Variants in FBXL2 observed in about 807,000 individuals in gnomAD.
FBXL2 encodes the protein F-box/LRR-repeat protein 2.
In FBXL2, 38 loss-of-function variants were observed where a neutral mutation model predicts 69.2. The observed-to-expected ratio is 0.55, with a 90% CI of 0.42 to 0.72. The LOEUF is 0.72. Ranked by LOEUF, FBXL2 falls within the 30% of genes least tolerant of loss-of-function variation. The pLI, the probability that FBXL2 is intolerant of heterozygous loss-of-function variation, is 0.00. For missense variants in FBXL2, 354 were observed against 520.3 expected (o/e 0.68, Z 3.11); for synonymous variants, 192 against 201.3 (o/e 0.95, Z 0.39).
chr3:33,368,622 T>A (rs898237394), intron 5 of FBXL2, among the ~76,000 whole-genome samples: 8 of 152,122 alleles, frequency 5.3e-5, no homozygotes, highest in Non-Finnish European at 2.9e-5. Context: ...TTAGATGGAG[T>A]CTTGCTCTGT....
intron 2 of FBXL2, chr3:33,297,949 C>A (rs1032244757): frequency 1.0e-5 from 6 of 575,068 alleles, no homozygotes; most frequent in Admixed American, 2.6e-5. Flanking sequence ...GGTCTGGATT[C>A]TTTTTGTAAT....
intron 2 of FBXL2, chr3:33,317,433 T>C (rs1575171726): frequency 2.2e-6 from 1 of 456,304 alleles, no homozygotes; most frequent in Admixed American, 2.4e-5. Context: ...TACTTAATGG[T>C]TTTGTTACTC....
downstream of FBXL2, among the ~76,000 whole-genome samples, chr3:33,406,465 A>C (rs2044430876): frequency 6.6e-6 from 1 of 152,196 alleles, no homozygotes; most frequent in Non-Finnish European, 1.5e-5. Context: ...AGCATAACAT[A>C]CATGTATAAA....
At chr3:33,280,363 C>CT (rs2033837921) in intron 1 of FBXL2, among the ~76,000 whole-genome samples, 1 of 152,150 alleles carries the variant, frequency 6.6e-6, no homozygotes, top group African/African-American at 2.4e-5. Flanking sequence ...AATGTATTCT[C>CT]TGAGATTTTC....
chr3:33,392,430 C>T, downstream of FBXL2: 1 of 744,242 alleles, frequency 1.3e-6, no homozygotes, highest in Non-Finnish European at 2.1e-6. Flanking sequence ...TAGAAATATT[C>T]TCATTTATCA....
chr3:33,337,531 T>C (rs952660355), intron 2 of FBXL2, among the ~76,000 whole-genome samples: 6 of 152,206 alleles, frequency 3.9e-5, no homozygotes, highest in African/African-American at 1.4e-4. Context: ...CTCTTGTAAA[T>C]TATTCATGGA....
chr3:33,395,681 ATTACATGCAGGCAC>A (rs2043951058), intron 12 of FBXL2, among the ~76,000 whole-genome samples: 7 of 140,430 alleles, frequency 5.0e-5, no homozygotes, highest in African/African-American at 1.9e-4. Context: ...ACTTAGGACT[ATTACATGCAGGCAC>A]TGTTGCACAT....
chr3:33,376,154 C>T (rs2042623159), intron 10 of FBXL2, among the ~76,000 whole-genome samples: 1 of 133,618 alleles, frequency 7.5e-6, no homozygotes. Flanking sequence ...GAGACCCCAT[C>T]TCAAAAAAAA....
chr3:33,331,148 T>C (rs2039130908), intron 2 of FBXL2, among the ~76,000 whole-genome samples: 1 of 151,986 alleles, frequency 6.6e-6, no homozygotes, highest in Non-Finnish European at 1.5e-5. Flanking sequence ...GACCAGACTA[T>C]GTACCATACT....
At chr3:33,399,505 A>C (rs2044140420) in intron 12 of FBXL2, among the ~76,000 whole-genome samples, 1 of 152,202 alleles carries the variant, frequency 6.6e-6, no homozygotes, top group African/African-American at 2.4e-5. Flanking sequence ...ACTGATAAAC[A>C]CAACAACTTA....
chr3:33,303,199 A>G (rs1188251782), intron 2 of FBXL2: 1 of 456,282 alleles, frequency 2.2e-6, no homozygotes, highest in Non-Finnish European at 4.4e-6. Context: ...TCAATTTCAA[A>G]TTTAAGCATC....
rs1575350513 is a variant in FBXL2 at position 33,364,620 on chromosome 3, TA to T, written c.196-2del. 8.1e-6 allele frequency: 13 copies of T among 1,613,642 alleles called. No individual in the cohort carries two copies. The highest frequency in any genetic ancestry group is 1.1e-5 in the Non-Finnish European group (13 of 1,179,710). On this transcript the variant is annotated splice_polypyrimidine_tract_variant and splice_region_variant and intron_variant, in intron 4 of 14. Coordinates refer to ENST00000484457, the MANE Select transcript of FBXL2 (RefSeq NM_012157.5). Reference sequence around the variant, plus strand: ...TTTTTTCCTCCCGAACTTTCTTGATTAAAGGGTCGAGTGGTGGAAAATATCT... The same window carrying T: ...TTTTTTCCTCCCGAACTTTCTTGATTAAGGGTCGAGTGGTGGAAAATATCT...
intron 2 of FBXL2, among the ~76,000 whole-genome samples, chr3:33,325,837 A>G (rs909833544): frequency 6.6e-6 from 1 of 152,196 alleles, no homozygotes; most frequent in African/African-American, 2.4e-5. Flanking sequence ...AATAGAATAA[A>G]TGGAACCCAG....
chr3:33,277,483 G>A lies in FBXL2; in HGVS notation c.-30G>A. On this transcript the variant is annotated 5_prime_UTR_variant, in exon 1 of 15. Coordinates refer to ENST00000484457, the MANE Select transcript of FBXL2 (RefSeq NM_012157.5). Reference sequence around the variant, plus strand: ...GCGTCGCCGGCGCCGTGTGACTTCGGGCTGTGGGCTCGCTCGCGGCTCTTC... The same window carrying A: ...GCGTCGCCGGCGCCGTGTGACTTCGAGCTGTGGGCTCGCTCGCGGCTCTTC... The A allele has an allele frequency of 3.1e-6, 4 of 1,293,612 alleles. No homozygotes were observed. The highest frequency in any genetic ancestry group is 4.0e-6 in the Non-Finnish European group (4 of 1,012,516). The allele number at this position is 1,293,612 out of a possible 1,614,324, so 80.1% of individuals were successfully genotyped here. A position where few individuals can be genotyped will look rare whatever the true frequency, so the allele number is the denominator to read the frequency against.
chr3:33,352,226 G>A (rs1333470262), intron 2 of FBXL2, among the ~76,000 whole-genome samples: 1 of 152,146 alleles, frequency 6.6e-6, no homozygotes, highest in African/African-American at 2.4e-5. Flanking sequence ...AATGGAGAAA[G>A]TATACATTTT....
the FBXL2 span, among the ~76,000 whole-genome samples, chr3:33,418,528 G>T: frequency 6.6e-6 from 1 of 151,798 alleles, no homozygotes; most frequent in Admixed American, 6.5e-5. Flanking sequence ...CAAAATGCTG[G>T]GATTACAGGC....
At position 33,383,736 on chromosome 3, in the gene FBXL2, G is replaced by A. The variant is rs190037082; in HGVS notation, c.952-253G>A. Reference sequence around the variant, plus strand: ...TAACCAAAGGGCCCCAAGGCTTTGTGTTTGGTCCTCACTGCCTGATTAAAT... The same window carrying A: ...TAACCAAAGGGCCCCAAGGCTTTGTATTTGGTCCTCACTGCCTGATTAAAT... On this transcript the variant is annotated intron_variant, in intron 13 of 14. Coordinates refer to ENST00000484457, the MANE Select transcript of FBXL2 (RefSeq NM_012157.5). The A allele has an allele frequency of 1.5e-5, 7 of 468,546 alleles. No homozygotes were observed. In the Admixed American group the frequency reaches 2.3e-4, roughly 16 times the overall value. 29.0% of individuals were successfully genotyped at this position (468,546 alleles called of 1,614,324 possible). A position where few individuals can be genotyped will look rare whatever the true frequency, so the allele number is the denominator to read the frequency against.
intron 12 of FBXL2, among the ~76,000 whole-genome samples, chr3:33,394,225 T>TTATTAC (rs1216478597): frequency 6.9e-6 from 1 of 144,802 alleles, no homozygotes; most frequent in Admixed American, 7.1e-5. Context: ...ATTATTATTA[T>TTATTAC]TTGTAGAGAC....
the FBXL2 span, among the ~76,000 whole-genome samples, chr3:33,418,411 C>T: frequency 1.3e-5 from 2 of 151,992 alleles, no homozygotes; most frequent in African/African-American, 2.4e-5. Context: ...CCCGCCACCA[C>T]GCCCAGCTAA....
Sources: allele counts gnomAD v4.1 joint callset (sites outside exome capture counted in the v4.1 genomes callset), GRCh38; gene constraint gnomAD v4.1.1; transcripts MANE v1.5; gene names NCBI Gene and HGNC (gene_info 2026-07-23, HGNC 2026-07-21).